LRRC61: variants seen among roughly 807,000 people sequenced by gnomAD.
LRRC61 encodes the protein leucine-rich repeat-containing protein 61.
A neutral mutation model predicts 15.1 loss-of-function variants in LRRC61; 9 were observed. The observed-to-expected ratio is 0.60, with a 90% CI of 0.36 to 1.04. LRRC61 has a LOEUF of 1.04. Ranked by LOEUF, LRRC61 falls within the 50% of genes least tolerant of loss-of-function variation. The probability of loss-of-function intolerance (pLI) is 0.01; values close to 1 mark genes in which losing one functional copy is unlikely to be tolerated. For synonymous variants in LRRC61, 173 were observed against 158.6 expected, an observed-to-expected ratio of 1.09 and a Z score of -0.68; for missense variants, 344 against 335.6, an observed-to-expected ratio of 1.03 and a Z score of -0.20.
chr7:150,337,059 C>T lies in LRRC61; in HGVS notation c.198C>T (p.Thr66=), dbSNP rs1164583574. The part of the protein sequence containing the change: ...EWLDLSGNAL[T]HLGPLASLRQ... The stretch of plus-strand genomic sequence containing the variant: ...TGGACCTATCAGGCAACGCGCTCAC[C>T]CACCTGGGCCCGCTGGCCTCCTTGC... The change falls in exon 3 of 3, where the codon ACC becomes ACT. Residue 66 remains threonine, a synonymous_variant. Transcript: ENST00000359623. 1 of 1,613,070 alleles carries T rather than the reference C, an allele frequency of 6.2e-7. No individual in the cohort carries two copies.
chr7:150,320,829 T>A (rs1031688372), upstream of LRRC61, among the ~76,000 whole-genome samples: 5 of 152,246 alleles, frequency 3.3e-5, no homozygotes, highest in South Asian at 2.1e-4. Context: ...AAACATCTTG[T>A]GATCAAGAGT....
At chr7:150,317,269 C>T in the LRRC61 span, among the ~76,000 whole-genome samples, 27 of 152,014 alleles carry the variant, frequency 1.8e-4, no homozygotes, top group African/African-American at 5.8e-4. Context: ...AGGCTGGTCT[C>T]GAACTTATGG....
At chr7:150,311,466 T>G in the LRRC61 span, among the ~76,000 whole-genome samples, 2 of 152,150 alleles carry the variant, frequency 1.3e-5, no homozygotes, top group African/African-American at 2.4e-5. Context: ...AGCGTTAATG[T>G]CCTCCTCACA....
At chr7:150,334,117 C>T (rs1325357327) in intron 2 of LRRC61, 2 of 985,194 alleles carry the variant, frequency 2.0e-6, no homozygotes, top group Admixed American at 6.1e-5. Context: ...TTGCCTGCCT[C>T]TGTCTGCCTG....
At chr7:150,320,382 T>C (rs1797379343), upstream of LRRC61, among the ~76,000 whole-genome samples, 1 of 152,248 alleles carries the variant, frequency 6.6e-6, no homozygotes, top group Non-Finnish European at 1.5e-5. Context: ...AGACTATCTG[T>C]ATTGTTATTC....
At chr7:150,332,590 C>G (rs926503784) in intron 2 of LRRC61, 1 of 167,076 alleles carries the variant, frequency 6.0e-6, no homozygotes, top group African/African-American at 2.4e-5. Flanking sequence ...TCAGAGATAG[C>G]CTCTATCAAT....
At chr7:150,331,520 C>G (rs1297937437) in intron 2 of LRRC61, 1 of 186,916 alleles carries the variant, frequency 5.3e-6, no homozygotes, top group African/African-American at 2.4e-5. Context: ...TTTCCATCTC[C>G]CGATTACTTC....
At chr7:150,319,630 G>C (rs1022675800), upstream of LRRC61, among the ~76,000 whole-genome samples, 1 of 152,240 alleles carries the variant, frequency 6.6e-6, no homozygotes, top group Non-Finnish European at 1.5e-5. Context: ...TGGAGGCAAA[G>C]CACTTTGTCC....
rs760820890 is a variant in LRRC61 at position 150,336,966 on chromosome 7, ACTGAAGCTGCGTGGCTTGGGACTGG to A, written c.110_134del (p.Lys37ThrfsTer33). On this transcript the variant is annotated frameshift_variant, in exon 3 of 3. Coordinates refer to ENST00000359623, the MANE Select transcript of LRRC61 (RefSeq NM_001142928.2). LOFTEE classifies it high-confidence loss of function. ...AGTTCTCCCTGGAGTCCATCCTGCT[ACTGAAGCTGCGTGGCTTGGGACTGG>A]CTGACCTGGGCTGCCTGGGAGAGTG... The A allele has an allele frequency of 6.2e-7, 1 of 1,614,004 alleles. No homozygotes were observed. The highest frequency in any genetic ancestry group is 8.5e-7 in the Non-Finnish European group (1 of 1,180,036).
chr7:150,323,628 G>C (rs1329688814), intron 1 of LRRC61, 68 bp downstream of exon 1: 1 of 455,038 alleles, frequency 2.2e-6, no homozygotes, highest in East Asian at 7.0e-5. Flanking sequence ...CCGGCCCCGG[G>C]GGGCCACCTG....
In LRRC61 at chr7:150,337,209, GT is replaced by G. The variant is rs755790190; in HGVS notation, c.349del (p.Cys117ValfsTer41). The G allele has an allele frequency of 1.1e-5, 18 of 1,605,820 alleles. No individual in the cohort carries two copies. Among genetic ancestry groups the G allele is most frequent in the Admixed American group, 1.7e-5 (1 of 60,008 alleles). On this transcript the variant is annotated frameshift_variant, in exon 3 of 3. Transcript: ENST00000359623. LOFTEE classifies it high-confidence loss of function. ...TACTGGCCACCCCGGGCCAGCTGCA[GT>G]GTCTGGCTGGGCTACCGTGCCTGGA... is the stretch of plus-strand genomic sequence containing the variant. ...NLLATPGQLQ[C>X]LAGLPCLEYL... is the part of the protein sequence containing the mutation.
intron 1 of LRRC61, among the ~76,000 whole-genome samples, chr7:150,325,474 CTTCTT>C (rs1383956770): frequency 6.6e-6 from 1 of 152,170 alleles, no homozygotes; most frequent in Non-Finnish European, 1.5e-5. Flanking sequence ...TCACAAGTAA[CTTCTT>C]TTTTTTGAGA....
At chr7:150,310,004 C>A in the LRRC61 span, among the ~76,000 whole-genome samples, 1 of 152,104 alleles carries the variant, frequency 6.6e-6, no homozygotes, top group African/African-American at 2.4e-5. Context: ...TGGGTATTGA[C>A]GGCCAAGCTT....
At chr7:150,317,589 A>T in the LRRC61 span, among the ~76,000 whole-genome samples, 1 of 152,214 alleles carries the variant, frequency 6.6e-6, no homozygotes, top group Non-Finnish European at 1.5e-5. Context: ...GGTGTTGACT[A>T]AACCACCAGA....
At chr7:150,310,563 C>T in the LRRC61 span, among the ~76,000 whole-genome samples, 1 of 150,010 alleles carries the variant, frequency 6.7e-6, no homozygotes, top group East Asian at 1.9e-4. Flanking sequence ...TCCTCAGTAC[C>T]CCCTTCCACA....
At position 150,336,744 on chromosome 7, in the gene LRRC61, C is replaced by T. The variant is rs1350756482; in HGVS notation, c.-118C>T. 4 of 1,392,158 alleles carry T rather than the reference C, an allele frequency of 2.9e-6. No individual in the cohort carries two copies. Among genetic ancestry groups the T allele is most frequent in the Non-Finnish European group, 2.9e-6 (3 of 1,034,524 alleles). The allele number at this position is 1,392,158 out of a possible 1,614,324, so 86.2% of individuals were successfully genotyped here. A position where few individuals can be genotyped will look rare whatever the true frequency, so the allele number is the denominator to read the frequency against. ...GACTGGCTGGCTTCGAGCAGGGCAT[C>T]GGAACCAGGCCTCCTGGCACTGGCC... On this transcript the variant is annotated 5_prime_UTR_variant, in exon 3 of 3. Coordinates refer to ENST00000359623, the MANE Select transcript of LRRC61 (RefSeq NM_001142928.2).
chr7:150,316,896 G>T, the LRRC61 span, among the ~76,000 whole-genome samples: 1 of 152,052 alleles, frequency 6.6e-6, no homozygotes, highest in Admixed American at 6.6e-5. Flanking sequence ...TCCTGCCCCT[G>T]AACATGATAA....
rs770973417 is a variant in LRRC61, at chr7:150,337,002, CTGCCTGGGAGAG to C, written c.150_161del (p.Glu51_Gly54del). 4 of 1,613,900 alleles carry C rather than the reference CTGCCTGGGAGAG, an allele frequency of 2.5e-6. No homozygotes were observed. Among genetic ancestry groups the C allele is most frequent in the Non-Finnish European group, 3.4e-6 (4 of 1,180,034 alleles). On this transcript the variant is annotated inframe_deletion, in exon 3 of 3. Coordinates refer to ENST00000359623, the MANE Select transcript of LRRC61 (RefSeq NM_001142928.2). ...GTGGCTTGGGACTGGCTGACCTGGG[CTGCCTGGGAGAG>C]TGCCTGGGCCTGGAGTGGCTGGACC...
At chr7:150,314,499 G>A in the LRRC61 span, among the ~76,000 whole-genome samples, 1 of 152,116 alleles carries the variant, frequency 6.6e-6, no homozygotes, top group African/African-American at 2.4e-5. Context: ...GGAGCTTTGT[G>A]TATGTCACTA....
Sources: gnomAD v4.1 joint callset for allele counts (sites outside exome capture counted in the v4.1 genomes callset) on GRCh38, gnomAD v4.1.1 for gene constraint, MANE v1.5 for transcripts, NCBI Gene and HGNC (gene_info 2026-07-23, HGNC 2026-07-21) for gene names.